NCAPD3: variants seen among roughly 807,000 people sequenced by gnomAD.
NCAPD3 encodes the protein condensin-2 complex subunit D3.
NCAPD3 carries 105 observed loss-of-function variants against 182.9 expected under a neutral mutation model. The ratio of observed to expected loss-of-function variants is 0.57; its 90% CI spans 0.49 to 0.68. The LOEUF is 0.68. Among genes scored for constraint, NCAPD3 ranks in the 30% least tolerant of loss-of-function variants. NCAPD3 has a pLI of 0.00. For synonymous variants in NCAPD3, 815 were observed against 679.9 expected (o/e 1.20, Z -3.09); for missense variants, 1,944 against 1,837.0 (o/e 1.06, Z -1.07).
At chr11:134,193,388 G>C (rs1363953128) in intron 15 of NCAPD3, among the ~76,000 whole-genome samples, 2 of 152,166 alleles carry the variant, frequency 1.3e-5, no homozygotes, top group East Asian at 3.8e-4. Flanking sequence ...TGCCCTAATT[G>C]ACTAAATTTA....
intron 24 of NCAPD3, among the ~76,000 whole-genome samples, chr11:134,174,705 A>G (rs925913230): frequency 9.9e-5 from 15 of 152,162 alleles, no homozygotes; most frequent in African/African-American, 2.9e-4. Context: ...TTTACTGTCT[A>G]TTTTCAAAAA....
chr11:134,167,538 G>C (rs1312361679), intron 27 of NCAPD3, among the ~76,000 whole-genome samples: 4 of 139,618 alleles, frequency 2.9e-5, no homozygotes, highest in African/African-American at 1.1e-4. Context: ...ACACTCACTA[G>C]TGAGATGAGC....
intron 24 of NCAPD3, among the ~76,000 whole-genome samples, chr11:134,174,017 A>G (rs556673411): frequency 6.6e-6 from 1 of 152,138 alleles, no homozygotes; most frequent in South Asian, 2.1e-4. Flanking sequence ...CAGAACCTCT[A>G]AGAAAAAAAA....
intron 27 of NCAPD3, among the ~76,000 whole-genome samples, chr11:134,165,272 C>G (rs1358420324): frequency 7.0e-6 from 1 of 143,714 alleles, no homozygotes; most frequent in Admixed American, 7.0e-5. Context: ...GGGGGAGCTG[C>G]ACACTCGCTT....
chr11:134,170,781 A>G (rs193211129), intron 24 of NCAPD3, among the ~76,000 whole-genome samples: 119 of 152,354 alleles, frequency 7.8e-4, no homozygotes, highest in African/African-American at 2.7e-3. Context: ...CCATGCCAGG[A>G]TTCACACGCT....
intron 27 of NCAPD3, among the ~76,000 whole-genome samples, chr11:134,164,831 G>A (rs971084774): frequency 7.4e-5 from 11 of 149,284 alleles, no homozygotes; most frequent in African/African-American, 2.7e-4. Flanking sequence ...TGACCTTAGG[G>A]GAGCTGAACA....
chr11:134,221,318 C>A (rs1346831319), intron 1 of NCAPD3, among the ~76,000 whole-genome samples: 2 of 152,086 alleles, frequency 1.3e-5, no homozygotes, highest in African/African-American at 4.8e-5. Context: ...TGGCTGGATT[C>A]CACCAATCTC....
intron 28 of NCAPD3, among the ~76,000 whole-genome samples, chr11:134,160,677 T>C (rs1246918913): frequency 6.6e-6 from 1 of 152,170 alleles, no homozygotes; most frequent in Non-Finnish European, 1.5e-5. Context: ...AAGACCACTT[T>C]GCTAAGAGAA....
chr11:134,192,933 T>C (rs1014604781), intron 15 of NCAPD3, 24 bp from the exon 16 acceptor site: 6 of 1,362,350 alleles, frequency 4.4e-6, no homozygotes, highest in East Asian at 2.3e-5. Context: ...GATTATGACA[T>C]GAGAAGGTCT....
At chr11:134,184,841 ACAC>A in intron 18 of NCAPD3, 59 bp downstream of exon 18, 1 of 1,400,930 alleles carries the variant, frequency 7.1e-7, no homozygotes, top group Non-Finnish European at 1.0e-6. Flanking sequence ...ACACACACAC[ACAC>A]ACACACCTGA....
intron 13 of NCAPD3, among the ~76,000 whole-genome samples, chr11:134,196,669 AAAAG>A (rs1175707513): frequency 6.6e-6 from 1 of 151,084 alleles, no homozygotes; most frequent in African/African-American, 2.4e-5. Context: ...AAAAGAAAAG[AAAAG>A]AAAGAAAAAG....
chr11:134,205,951 G>C (rs1478128847), intron 8 of NCAPD3, among the ~76,000 whole-genome samples: 1 of 152,062 alleles, frequency 6.6e-6, no homozygotes, highest in Non-Finnish European at 1.5e-5. Flanking sequence ...ACTTGCACAT[G>C]CACACCATGT....
At chr11:134,162,286 C>A (rs141508173) in intron 27 of NCAPD3, among the ~76,000 whole-genome samples, 1 of 152,292 alleles carries the variant, frequency 6.6e-6, no homozygotes, top group Admixed American at 6.5e-5. Flanking sequence ...TTCTGGCTAC[C>A]CAGAGGGACA....
chr11:134,158,515 G>A lies in NCAPD3; in HGVS notation c.3868-20C>T, dbSNP rs1943491115. On this transcript the variant is annotated intron_variant, in intron 29 of 34. Coordinates refer to ENST00000534548, the MANE Select transcript of NCAPD3 (RefSeq NM_015261.3). ...GGCAACCTGGTAGAGAAGATAAAGAGTATGTACATTCTAATACTTTTTAAG... is the reference window on the plus strand; with the variant it reads ...GGCAACCTGGTAGAGAAGATAAAGAATATGTACATTCTAATACTTTTTAAG... The A allele has an allele frequency of 6.2e-7, 1 of 1,608,164 alleles. No individual in the cohort carries two copies. Among genetic ancestry groups the A allele is most frequent in the South Asian group, 1.1e-5 (1 of 90,984 alleles).
intron 24 of NCAPD3, among the ~76,000 whole-genome samples, chr11:134,169,550 C>T (rs920225810): frequency 1.3e-5 from 2 of 152,186 alleles, no homozygotes; most frequent in African/African-American, 2.4e-5. Context: ...AAGAGCTTCA[C>T]AGTTTGGATC....
intron 19 of NCAPD3, among the ~76,000 whole-genome samples, 162 bp downstream of exon 19, chr11:134,184,475 A>G (rs1057284350): frequency 6.6e-6 from 1 of 152,226 alleles, no homozygotes; most frequent in Non-Finnish European, 1.5e-5. Flanking sequence ...GGGAATGTCA[A>G]TTGCTAGTTA....
Position 134,181,059 on chromosome 11 carries a change from G to A in NCAPD3, c.2559+18C>T, listed in dbSNP as rs367885796. The A allele has an allele frequency of 2.5e-6, 4 of 1,573,926 alleles. No homozygotes were observed. The African/African-American group carries it at 4.0e-5, about 16-fold the overall frequency. On this transcript the variant is annotated intron_variant, in intron 20 of 34. Coordinates refer to ENST00000534548, the MANE Select transcript of NCAPD3 (RefSeq NM_015261.3). ...AAAATGGAAGCGAAAAGAATGGTTA[G>A]GAAAAGCAGTCGCTTACCAACAGGT...
At chr11:134,158,596 T>A in intron 29 of NCAPD3, 101 bp from the exon 30 acceptor site, 1 of 1,245,354 alleles carries the variant, frequency 8.0e-7, no homozygotes, top group Non-Finnish European at 1.1e-6. Context: ...TATGAGATTT[T>A]GATACATGTG....
chr11:134,209,498 C>T (rs1937746509), intron 4 of NCAPD3, 21 bp from the exon 5 acceptor site: 2 of 1,594,990 alleles, frequency 1.3e-6, no homozygotes, highest in South Asian at 1.1e-5. Context: ...AAGAAATGTA[C>T]AGGTGACTGT....
Sources: allele counts gnomAD v4.1 joint callset (sites outside exome capture counted in the v4.1 genomes callset), GRCh38; gene constraint gnomAD v4.1.1; transcripts MANE v1.5; gene names NCBI Gene and HGNC (gene_info 2026-07-23, HGNC 2026-07-21).